Variants in RBP3 observed in about 807,000 individuals in gnomAD.
RBP3 encodes the protein retinol-binding protein 3.
RBP3 carries 50 observed loss-of-function variants against 64.8 expected under a neutral mutation model. The observed-to-expected ratio is 0.77, with a 90% CI of 0.61 to 0.98. RBP3 has a LOEUF of 0.98. Among genes scored for constraint, RBP3 ranks in the 50% least tolerant of loss-of-function variants. The probability of loss-of-function intolerance (pLI) is 0.00; values close to 1 mark genes in which losing one functional copy is unlikely to be tolerated. For missense variants in RBP3, 1,712 were observed against 1,660.5 expected, an observed-to-expected ratio of 1.03 and a Z score of -0.54; for synonymous variants, 828 against 730.2, an observed-to-expected ratio of 1.13 and a Z score of -2.16.
In RBP3 at chr10:47,350,705, G is replaced by A. The variant is rs143110000; in HGVS notation, c.2221G>A (p.Gly741Ser). 114 of 1,612,940 alleles carry A rather than the reference G, an allele frequency of 7.1e-5. 1 individual carries two copies. Among genetic ancestry groups the A allele is most frequent in the Non-Finnish European group, 9.1e-5 (107 of 1,180,028 alleles). Residue 741 changes from glycine (G) to serine (S), a missense_variant, in exon 1 of 4, where the codon GGC (glycine) becomes AGC (serine). By Grantham distance (56) the Gly-to-Ser change is moderately conservative. Transcript: ENST00000584701. ...CCTGTTCAAGACAGAGGTGCTGCCC[G>A]GCCAGCTGGGCTACCTGCGTTTTGA... is the stretch of plus-strand genomic sequence containing the variant. ...EALFKTEVLPGQLGYLRFDAM... is the reference protein window; with the variant it reads ...EALFKTEVLPSQLGYLRFDAM...
chr10:47,356,957 A>G (rs1300864815), intron 3 of RBP3, 145 bp from the exon 4 acceptor site: 5 of 660,860 alleles, frequency 7.6e-6, no homozygotes, highest in Admixed American at 2.6e-5. Context: ...GGCTCAGAGA[A>G]GTCAAGTGGC....
At position 47,350,892 on chromosome 10, in the gene RBP3, C is replaced by G; in HGVS notation, c.2408C>G (p.Ala803Gly). 1 of 1,610,998 alleles carries G rather than the reference C, an allele frequency of 6.2e-7. No individual in the cohort carries two copies. Among genetic ancestry groups the G allele is most frequent in the South Asian group, 1.1e-5 (1 of 90,668 alleles). ...CTGCTCTGCTCCTACTTCTTTGAGG[C>G]AGAGCCCCGCCAGCACCTGTATTCT... ...IPLLCSYFFE[A>G]EPRQHLYSVF... The change falls in exon 1 of 4, where the codon GCA becomes GGA. Residue 803 changes from alanine to glycine, a missense_variant. Physicochemically the swap from Ala to Gly is moderately conservative, Grantham distance 60. Transcript: ENST00000584701.
chr10:47,349,670 C>A lies in RBP3; in HGVS notation c.1186C>A (p.Pro396Thr). The change falls in exon 1 of 4, where the codon CCT becomes ACT. Residue 396 changes from proline (P) to threonine (T), a missense_variant. By Grantham distance (38) the Pro-to-Thr change is conservative (BLOSUM62 -1). Transcript: ENST00000584701. The part of the protein sequence containing the change: ...LVRAIGPTET[P>T]SWPAPDAAAE... ...GCGAGCCATCGGGCCCACAGAAACT[C>A]CTTCTTGGCCCGCGCCCGACGCTGC... is the stretch of plus-strand genomic sequence containing the variant. The A allele has an allele frequency of 6.2e-7, 1 of 1,611,940 alleles. No homozygotes were observed. Among genetic ancestry groups the A allele is most frequent in the Non-Finnish European group, 8.5e-7 (1 of 1,180,028 alleles).
chr10:47,357,439 C>G lies in RBP3; in HGVS notation c.3726C>G (p.Gly1242=). 2 of 1,612,102 alleles carry G rather than the reference C, an allele frequency of 1.2e-6. No homozygotes were observed. The highest frequency in any genetic ancestry group is 1.7e-6 in the Non-Finnish European group (2 of 1,179,162). ...AGCTGAGGGTGAAGCGGAGCCCAGG[C>G]CTGCAGGACCACCTGTAGGGAAGGG... ...HNQLRVKRSP[G]LQDHL The change falls in exon 4 of 4, where the codon GGC becomes GGG. Residue 1242 remains glycine, a synonymous_variant. Coordinates refer to ENST00000584701, the MANE Select transcript of RBP3 (RefSeq NM_002900.3).
chr10:47,348,386 A>G lies in RBP3; in HGVS notation c.-99A>G, dbSNP rs1836888740. ...CCAGACCTTCTGTCCACCAGCTGAG[A>G]AGGACAAGGGCGGAAGGCAGCTGCA... is the stretch of plus-strand genomic sequence containing the variant. On this transcript the variant is annotated 5_prime_UTR_variant, in exon 1 of 4. Transcript: ENST00000584701. 2.5e-5 allele frequency: 34 copies of G among 1,383,728 alleles called. No homozygotes were observed. The highest frequency in any genetic ancestry group is 3.3e-5 in the Non-Finnish European group (33 of 1,008,398). 85.7% of individuals were successfully genotyped at this position (1,383,728 alleles called of 1,614,324 possible).
At position 47,350,911 on chromosome 10, in the gene RBP3, G is replaced by T; in HGVS notation, c.2427G>T (p.Leu809=). ...YFFEAEPRQH[L]YSVFDRATSK... is the part of the protein sequence containing the mutation. Reference sequence around the variant, plus strand: ...TTGAGGCAGAGCCCCGCCAGCACCTGTATTCTGTCTTTGACAGGGCCACCT... The same window carrying T: ...TTGAGGCAGAGCCCCGCCAGCACCTTTATTCTGTCTTTGACAGGGCCACCT... Residue 809 remains leucine, a synonymous_variant, in exon 1 of 4, where the codon CTG becomes CTT. Coordinates refer to ENST00000584701, the MANE Select transcript of RBP3 (RefSeq NM_002900.3). 1 of 1,613,076 alleles carries T rather than the reference G, an allele frequency of 6.2e-7. No homozygotes were observed. The highest frequency in any genetic ancestry group is 8.5e-7 in the Non-Finnish European group (1 of 1,180,016).
In RBP3 at chr10:47,351,104, G is replaced by A. The variant is rs782402127; in HGVS notation, c.2620G>A (p.Gly874Arg). The A allele has an allele frequency of 3.0e-5, 48 of 1,612,602 alleles. No individual in the cohort carries two copies. The highest frequency in any genetic ancestry group is 4.4e-5 in the South Asian group (4 of 91,082). Residue 874 changes from glycine (G) to arginine (R), a missense_variant, in exon 1 of 4, where the codon GGA becomes AGA. Coordinates refer to ENST00000584701, the MANE Select transcript of RBP3 (RefSeq NM_002900.3). ...RATVIGEPTA[G>R]GALSVGIYQV... is the part of the protein sequence containing the mutation. The stretch of plus-strand genomic sequence containing the variant: ...CACGGTCATTGGGGAGCCCACGGCC[G>A]GAGGCGCACTCTCTGTGGGCATCTA...
Position 47,351,472 on chromosome 10 carries a change from A to C in RBP3, c.2988A>C (p.Pro996=). 2 of 1,613,814 alleles carry C rather than the reference A, an allele frequency of 1.2e-6. No homozygotes were observed. The highest frequency in any genetic ancestry group is 1.7e-6 in the Non-Finnish European group (2 of 1,180,026). The change falls in exon 1 of 4, where the codon CCA becomes CCC. Residue 996 remains proline, a synonymous_variant. Transcript: ENST00000584701. ...ACCTGCAGATGCTCTCCGGAGACCC[A>C]CACCTGAAGGCAGCCCATATCCCTG... ...GADLQMLSGD[P]HLKAAHIPEN...
In RBP3 at chr10:47,350,266, G is replaced by A. The variant is rs147386314; in HGVS notation, c.1782G>A (p.Pro594=). ...TPEGSLALTV[P]VLTFIDNHGE... is the part of the protein sequence containing the mutation. ...AAGGCAGCCTCGCGCTCACCGTGCCGGTCCTCACCTTCATCGACAATCACG... is the reference window on the plus strand; with the variant it reads ...AAGGCAGCCTCGCGCTCACCGTGCCAGTCCTCACCTTCATCGACAATCACG... The change falls in exon 1 of 4, where the codon CCG becomes CCA. Residue 594 remains proline (P), a synonymous_variant. Transcript: ENST00000584701. 3.5e-5 allele frequency: 56 copies of A among 1,607,558 alleles called. No individual in the cohort carries two copies. Among genetic ancestry groups the A allele is most frequent in the East Asian group, 4.5e-5 (2 of 44,890 alleles).
Position 47,350,855 on chromosome 10 carries a change from A to G in RBP3, c.2371A>G (p.Thr791Ala), listed in dbSNP as rs1045075808. ...GCGCTACAACCCTGGCAGCTACTCC[A>G]CGGCCATCCCGCTGCTCTGCTCCTA... ...DLRYNPGSYS[T>A]AIPLLCSYFF... Residue 791 changes from threonine (T) to alanine (A), a missense_variant, in exon 1 of 4, where the codon ACG (threonine) becomes GCG (alanine). Physicochemically the swap from Thr to Ala is moderately conservative, Grantham distance 58. Coordinates refer to ENST00000584701, the MANE Select transcript of RBP3 (RefSeq NM_002900.3). The G allele has an allele frequency of 1.2e-6, 2 of 1,612,830 alleles. No individual in the cohort carries two copies. The highest frequency in any genetic ancestry group is 1.7e-6 in the Non-Finnish European group (2 of 1,179,982).
rs202232563 is a variant in RBP3 at position 47,349,885 on chromosome 10, G to A, written c.1401G>A (p.Pro467=). Reference sequence around the variant, plus strand: ...ATGTCCTGCGCCAGGTGTGGGAGCCGCTACAGGACACGGAGCACCTCATCA... The same window carrying A: ...ATGTCCTGCGCCAGGTGTGGGAGCCACTACAGGACACGGAGCACCTCATCA... ...APYVLRQVWE[P]LQDTEHLIMD... is the part of the protein sequence containing the mutation. Residue 467 remains proline, a synonymous_variant, in exon 1 of 4, where the codon CCG becomes CCA. Transcript: ENST00000584701. 1.5e-4 allele frequency: 249 copies of A among 1,613,042 alleles called. No individual in the cohort carries two copies. Among genetic ancestry groups the A allele is most frequent in the South Asian group, 9.0e-4 (82 of 91,088 alleles).
In RBP3 at chr10:47,349,407, C is replaced by A. The variant is rs782358403; in HGVS notation, c.923C>A (p.Pro308Gln). 6.2e-6 allele frequency: 10 copies of A among 1,611,696 alleles called. No individual in the cohort carries two copies. The highest frequency in any genetic ancestry group is 7.6e-6 in the Non-Finnish European group (9 of 1,179,984). ...GGGGTGCTGCCCTGTGTGGGGACTCCGGCCGAGCAGGCCCTGGAGAAAGCC... is the reference window on the plus strand; with the variant it reads ...GGGGTGCTGCCCTGTGTGGGGACTCAGGCCGAGCAGGCCCTGGAGAAAGCC... The part of the protein sequence containing the change: ...GSGVLPCVGT[P>Q]AEQALEKALA... The change falls in exon 1 of 4, where the codon CCG (proline) becomes CAG (glutamine). Residue 308 changes from proline (P) to glutamine (Q), a missense_variant. Coordinates refer to ENST00000584701, the MANE Select transcript of RBP3 (RefSeq NM_002900.3).
Position 47,357,647 on chromosome 10 carries a change from T to A in RBP3, c.*190T>A. 1 of 539,634 alleles carries A rather than the reference T, an allele frequency of 1.9e-6. No homozygotes were observed. The highest frequency in any genetic ancestry group is 3.3e-6 in the Non-Finnish European group (1 of 305,536). The allele number at this position is 539,634 out of a possible 1,614,324, so 33.4% of individuals were successfully genotyped here. On this transcript the variant is annotated 3_prime_UTR_variant, in exon 4 of 4. Coordinates refer to ENST00000584701, the MANE Select transcript of RBP3 (RefSeq NM_002900.3). Reference sequence around the variant, plus strand: ...ATGTATATACACATATATATGTGTATGTATATATATGTATATATATATGGC... The same window carrying A: ...ATGTATATACACATATATATGTGTAAGTATATATATGTATATATATATGGC...
In RBP3 at chr10:47,349,629, A is replaced by G; in HGVS notation, c.1145A>G (p.Asp382Gly). Residue 382 changes from aspartate (D) to glycine (G), a missense_variant, in exon 1 of 4, where the codon GAT becomes GGT. Coordinates refer to ENST00000584701, the MANE Select transcript of RBP3 (RefSeq NM_002900.3). ...GCCGGCCTGCAGGCTGCGTCTGAGGATCCCAGGCTCCTGGTGCGAGCCATC... is the reference window on the plus strand; with the variant it reads ...GCCGGCCTGCAGGCTGCGTCTGAGGGTCCCAGGCTCCTGGTGCGAGCCATC... The part of the protein sequence containing the change: ...LNAGLQAASE[D>G]PRLLVRAIGP... 6.2e-7 allele frequency: 1 copy of G among 1,612,548 alleles called. No homozygotes were observed. Among genetic ancestry groups the G allele is most frequent in the African/African-American group, 1.3e-5 (1 of 74,998 alleles).
At chr10:47,351,651 C>T (rs941396472) in intron 1 of RBP3, 113 bp downstream of exon 1, 10 of 1,357,934 alleles carry the variant, frequency 7.4e-6, no homozygotes, top group African/African-American at 1.4e-5. Context: ...GATTTGTTCT[C>T]ACGTTTAAGT....
At position 47,349,670 on chromosome 10, in the gene RBP3, C is replaced by G. The variant is rs369177969; in HGVS notation, c.1186C>G (p.Pro396Ala). Residue 396 changes from proline to alanine, a missense_variant, in exon 1 of 4, where the codon CCT (proline) becomes GCT (alanine). Physicochemically the swap from Pro to Ala is conservative, Grantham distance 27. Transcript: ENST00000584701. ...LVRAIGPTET[P>A]SWPAPDAAAE... ...GCGAGCCATCGGGCCCACAGAAACT[C>G]CTTCTTGGCCCGCGCCCGACGCTGC... 21 of 1,611,940 alleles carry G rather than the reference C, an allele frequency of 1.3e-5. No homozygotes were observed. In the African/African-American group the frequency reaches 2.7e-4, roughly 20 times the overall value.
chr10:47,348,884 C>A lies in RBP3; in HGVS notation c.400C>A (p.Arg134=), dbSNP rs781917479. ...EVLEGNVGYL[R]VDSVPGQEVL... is the part of the protein sequence containing the mutation. ...TCTGGAGGGTAATGTGGGCTACCTG[C>A]GGGTGGACAGCGTCCCGGGCCAGGA... Residue 134 remains arginine, a synonymous_variant, in exon 1 of 4, where the codon CGG becomes AGG. Transcript: ENST00000584701. 3 of 1,613,842 alleles carry A rather than the reference C, an allele frequency of 1.9e-6. No homozygotes were observed. Among genetic ancestry groups the A allele is most frequent in the Admixed American group, 3.3e-5 (2 of 60,026 alleles).
chr10:47,350,444 C>T lies in RBP3; in HGVS notation c.1960C>T (p.Pro654Ser), dbSNP rs1555211379. The part of the protein sequence containing the change: ...GHLLEAHYAR[P>S]EVVGQTSALL... ...CCTGCTGGAGGCCCACTATGCTCGG[C>T]CAGAGGTCGTGGGGCAGACCAGTGC... The change falls in exon 1 of 4, where the codon CCA becomes TCA. Residue 654 changes from proline to serine, a missense_variant. By Grantham distance (74) the Pro-to-Ser change is moderately conservative (BLOSUM62 -1). Transcript: ENST00000584701. 4 of 1,612,222 alleles carry T rather than the reference C, an allele frequency of 2.5e-6. No individual in the cohort carries two copies. Among genetic ancestry groups the T allele is most frequent in the Non-Finnish European group, 2.5e-6 (3 of 1,179,872 alleles).
At chr10:47,356,254 C>A (rs79612534) in intron 3 of RBP3, among the ~76,000 whole-genome samples, 5 of 152,100 alleles carry the variant, frequency 3.3e-5, no homozygotes, top group African/African-American at 1.2e-4. Flanking sequence ...CTAGGACATA[C>A]GTTCAATAAT....
Sources: allele counts gnomAD v4.1 joint callset (sites outside exome capture counted in the v4.1 genomes callset), GRCh38; gene constraint gnomAD v4.1.1; transcripts MANE v1.5; gene names NCBI Gene and HGNC (gene_info 2026-07-23, HGNC 2026-07-21).